IL1RAP: variants seen among roughly 807,000 people sequenced by gnomAD.
IL1RAP encodes the protein interleukin-1 receptor accessory protein.
A neutral mutation model predicts 60.7 loss-of-function variants in IL1RAP; 35 were observed. That is an observed-to-expected ratio of 0.58 (90% CI 0.44 to 0.76). IL1RAP has a LOEUF of 0.76. IL1RAP is among the 30% of genes least tolerant of loss of function. The pLI, the probability that IL1RAP is intolerant of heterozygous loss-of-function variation, is 0.00. For missense variants in IL1RAP, 572 were observed against 693.9 expected, an observed-to-expected ratio of 0.82 and a Z score of 1.97; for synonymous variants, 268 against 250.9, an observed-to-expected ratio of 1.07 and a Z score of -0.64.
At chr3:190,569,983 CA>C (rs1726772668) in intron 3 of IL1RAP, among the ~76,000 whole-genome samples, 1 of 152,216 alleles carries the variant, frequency 6.6e-6, no homozygotes, top group Non-Finnish European at 1.5e-5. Flanking sequence ...GCCACCTTAG[CA>C]GTGACTCACT....
At chr3:190,616,781 G>A (rs972497121) in intron 5 of IL1RAP, among the ~76,000 whole-genome samples, 9 of 152,074 alleles carry the variant, frequency 5.9e-5, no homozygotes, top group Non-Finnish European at 2.9e-5. Context: ...CATGCCTTTT[G>A]GGTCTTGGCT....
At chr3:190,645,485 A>G (rs985319391) in intron 10 of IL1RAP, among the ~76,000 whole-genome samples, 1 of 152,232 alleles carries the variant, frequency 6.6e-6, no homozygotes, top group Non-Finnish European at 1.5e-5. Flanking sequence ...ACTGTAAAGC[A>G]ACCTGTAAGA....
At chr3:190,652,150 G>A (rs1490195057), downstream of IL1RAP, among the ~76,000 whole-genome samples, 1 of 151,960 alleles carries the variant, frequency 6.6e-6, no homozygotes, top group African/African-American at 2.4e-5. Context: ...ATAGTGACAG[G>A]GATGCCTTTT....
At chr3:190,584,486 A>G (rs552894402) in intron 3 of IL1RAP, among the ~76,000 whole-genome samples, 51 of 152,368 alleles carry the variant, frequency 3.3e-4, no homozygotes, top group African/African-American at 7.5e-4. Flanking sequence ...CCCGTCTTCA[A>G]TGAATGAGAG....
At chr3:190,515,485 T>C (rs1485244884) in intron 1 of IL1RAP, among the ~76,000 whole-genome samples, 1 of 152,196 alleles carries the variant, frequency 6.6e-6, no homozygotes, top group African/African-American at 2.4e-5. Context: ...GTAAATGTGG[T>C]GTCTTTCTTC....
chr3:190,534,320 A>G (rs1723245530), intron 1 of IL1RAP, among the ~76,000 whole-genome samples: 1 of 151,856 alleles, frequency 6.6e-6, no homozygotes, highest in African/African-American at 2.4e-5. Flanking sequence ...CTTTGCTCAA[A>G]TCTATCATGT....
At chr3:190,654,435 G>C (rs983071066), downstream of IL1RAP, among the ~76,000 whole-genome samples, 1 of 152,284 alleles carries the variant, frequency 6.6e-6, no homozygotes, top group South Asian at 2.1e-4. Flanking sequence ...CGTACACACA[G>C]AAGGGTTTTA....
intron 3 of IL1RAP, among the ~76,000 whole-genome samples, chr3:190,577,686 AG>A (rs1437978852): frequency 6.6e-6 from 1 of 152,062 alleles, no homozygotes; most frequent in Admixed American, 6.6e-5. Context: ...GCATGCCACC[AG>A]GCTCAGCTAA....
At chr3:190,608,102 A>C (rs112937987) in intron 4 of IL1RAP, among the ~76,000 whole-genome samples, 1 of 152,206 alleles carries the variant, frequency 6.6e-6, no homozygotes, top group Non-Finnish European at 1.5e-5. Flanking sequence ...TAGGTGTTAC[A>C]TATATACACA....
intron 3 of IL1RAP, among the ~76,000 whole-genome samples, chr3:190,595,751 C>T (rs1200015198): frequency 6.6e-6 from 1 of 152,232 alleles, no homozygotes; most frequent in East Asian, 1.9e-4. Flanking sequence ...TCACCTCCAC[C>T]CTCCGCCCTG....
chr3:190,567,112 C>T (rs529036666), intron 3 of IL1RAP, among the ~76,000 whole-genome samples: 31 of 152,290 alleles, frequency 2.0e-4, no homozygotes, highest in African/African-American at 7.5e-4. Context: ...AAGAACTTAG[C>T]GCCATGCAAT....
chr3:190,575,131 C>A (rs958216564), intron 3 of IL1RAP, among the ~76,000 whole-genome samples: 2 of 152,136 alleles, frequency 1.3e-5, no homozygotes, highest in African/African-American at 2.4e-5. Flanking sequence ...ATATAACCTC[C>A]ACATTTAGGG....
chr3:190,519,934 AAGAT>A (rs894414244), intron 1 of IL1RAP, among the ~76,000 whole-genome samples: 3 of 152,274 alleles, frequency 2.0e-5, no homozygotes, highest in Admixed American at 2.0e-4. Context: ...AAATTAAAGA[AAGAT>A]AGAGCATATT....
chr3:190,643,279 T>C (rs1733787857), intron 9 of IL1RAP, among the ~76,000 whole-genome samples: 1 of 152,152 alleles, frequency 6.6e-6, no homozygotes, highest in South Asian at 2.1e-4. Context: ...TATTCGAGCA[T>C]AGACTTGGAA....
chr3:190,575,601 T>G (rs1727369710), intron 3 of IL1RAP, among the ~76,000 whole-genome samples: 2 of 152,130 alleles, frequency 1.3e-5, no homozygotes, highest in Non-Finnish European at 2.9e-5. Flanking sequence ...TTGCAGGAGC[T>G]TTGAGAACTA....
At chr3:190,620,250 C>CTT (rs11368884) in intron 5 of IL1RAP, 25 bp from the exon 6 acceptor site, 118,393 of 992,872 alleles carry the variant, frequency 0.12, 456 homozygotes, top group Non-Finnish European at 0.13. Context: ...AAAAAGTAAA[C>CTT]TTTTTTTTTT....
chr3:190,588,090 A>G (rs1381539676), intron 3 of IL1RAP, among the ~76,000 whole-genome samples: 5 of 152,164 alleles, frequency 3.3e-5, no homozygotes, highest in African/African-American at 1.2e-4. Flanking sequence ...GCATACGGAG[A>G]TAAAAAGGTC....
At chr3:190,562,322 T>A (rs937500608) in intron 2 of IL1RAP, among the ~76,000 whole-genome samples, 1 of 152,146 alleles carries the variant, frequency 6.6e-6, no homozygotes, top group Non-Finnish European at 1.5e-5. Context: ...TCAATAACAC[T>A]TATCTGTTCC....
At chr3:190,646,898 C>T (rs951585981) in intron 11 of IL1RAP, among the ~76,000 whole-genome samples, 10 of 152,152 alleles carry the variant, frequency 6.6e-5, no homozygotes, top group South Asian at 4.1e-4. Flanking sequence ...GAAGTTATGA[C>T]TTAATTATAC....
Sources: gnomAD v4.1 joint callset for allele counts (sites outside exome capture counted in the v4.1 genomes callset) on GRCh38, gnomAD v4.1.1 for gene constraint, MANE v1.5 for transcripts, NCBI Gene and HGNC (gene_info 2026-07-23, HGNC 2026-07-21) for gene names.